The following NT5C2 variants were observed in gnomAD, a reference collection of about 807,000 sequenced individuals.
NT5C2 encodes cytosolic purine 5'-nucleotidase.
NT5C2 carries 58 observed loss-of-function variants against 76.1 expected under a neutral mutation model. The observed-to-expected ratio is 0.76, with a 90% CI of 0.62 to 0.95. The LOEUF is 0.95. NT5C2 is among the 40% of genes least tolerant of loss of function. The probability of loss-of-function intolerance (pLI) is 0.00; values close to 1 mark genes in which losing one functional copy is unlikely to be tolerated. For synonymous variants in NT5C2, 229 were observed against 237.4 expected, an observed-to-expected ratio of 0.96 and a Z score of 0.32; for missense variants, 478 against 690.3, an observed-to-expected ratio of 0.69 and a Z score of 3.45.
At chr10:103,175,974 G>C in intron 2 of NT5C2, 1 of 165,000 alleles carries the variant, frequency 6.1e-6, no homozygotes, top group South Asian at 1.6e-4. Context: ...CTGAGAGCCA[G>C]GAGCCCCAAG....
At chr10:103,117,863 G>A (rs1477560371) in intron 4 of NT5C2, among the ~76,000 whole-genome samples, 1 of 151,792 alleles carries the variant, frequency 6.6e-6, no homozygotes, top group African/African-American at 2.4e-5. Context: ...AGGGTTATTC[G>A]GAGCAACTAA....
Position 103,095,921 on chromosome 10 carries a change from T to A in NT5C2, c.813+18A>T, listed in dbSNP as rs778990322. The A allele has an allele frequency of 3.7e-6, 6 of 1,602,710 alleles. No homozygotes were observed. Among genetic ancestry groups the A allele is most frequent in the Non-Finnish European group, 5.1e-6 (6 of 1,169,858 alleles). On this transcript the variant is annotated intron_variant, in intron 12 of 18. Transcript: ENST00000404739. ...TCATTGTTATTAAAGCAGTGGTCTA[T>A]TGAGTCACATACGGTACCTTGGGGC...
At chr10:103,107,886 G>A (rs1471453968) in intron 4 of NT5C2, among the ~76,000 whole-genome samples, 1 of 152,044 alleles carries the variant, frequency 6.6e-6, no homozygotes, top group Non-Finnish European at 1.5e-5. Context: ...CAGGTGCGGT[G>A]GCTCACGCCT....
chr10:103,103,554 G>A (rs2070370391), intron 6 of NT5C2, among the ~76,000 whole-genome samples: 3 of 152,048 alleles, frequency 2.0e-5, no homozygotes. Context: ...CAATTACATT[G>A]TAAACTTCAG....
Position 103,090,603 on chromosome 10 carries a change from TA to T in NT5C2, c.1449+7del. On this transcript the variant is annotated splice_region_variant and intron_variant, in intron 18 of 18. Coordinates refer to ENST00000404739, the MANE Select transcript of NT5C2 (RefSeq NM_001351169.2). ...ACATCTTGGCTGTCCATTACAGCTT[TA>T]ACTCACCAAGACATGGGCAGCCCTG... 6.2e-7 allele frequency: 1 copy of T among 1,611,238 alleles called. No homozygotes were observed. The highest frequency in any genetic ancestry group is 8.5e-7 in the Non-Finnish European group (1 of 1,178,452).
chr10:103,118,677 T>G lies in NT5C2; in HGVS notation c.176-11971A>C, dbSNP rs548006381. Among the ~76,000 whole-genome samples, 81 of 152,270 alleles carry G rather than the reference T, an allele frequency of 5.3e-4. 1 individual carries two copies. In the South Asian group the frequency reaches 0.016, roughly 30 times the overall value. On this transcript the variant is annotated intron_variant, in intron 4 of 18. Coordinates refer to ENST00000404739, the MANE Select transcript of NT5C2 (RefSeq NM_001351169.2). The stretch of plus-strand genomic sequence containing the variant: ...CTGGACAAAATCATCACATTTCATC[T>G]TCACAAATCTCCTTTAGGGGTTGAG...
chr10:103,179,929 T>C (rs2090762309), intron 2 of NT5C2, among the ~76,000 whole-genome samples: 1 of 152,226 alleles, frequency 6.6e-6, no homozygotes, highest in Admixed American at 6.5e-5. Context: ...ATTGCATTTA[T>C]ATATTATCCT....
At position 103,174,952 on chromosome 10, in the gene NT5C2, T is replaced by C. The variant is rs10883841; in HGVS notation, c.7A>G (p.Thr3Ala). 0.13 allele frequency: 203,982 copies of C among 1,597,198 alleles called. 14,609 individuals carry two copies. The highest frequency in any genetic ancestry group is 0.14 in the Non-Finnish European group (166,232 of 1,165,274). Reference protein sequence around the residue: MSTSWSDRLQNAA... With the variant: MSASWSDRLQNAA... Reference sequence around the variant, plus strand: ...TTCTGTAACCGATCACTCCAGGAGGTTGACATTTTATTTTAACTGTATTTT... The same window carrying C: ...TTCTGTAACCGATCACTCCAGGAGGCTGACATTTTATTTTAACTGTATTTT... Residue 3 changes from threonine to alanine, a missense_variant, in exon 3 of 19, where the codon ACC becomes GCC. Transcript: ENST00000404739.
chr10:103,162,901 A>G (rs1028177134), intron 3 of NT5C2, among the ~76,000 whole-genome samples: 6 of 152,176 alleles, frequency 3.9e-5, no homozygotes, highest in African/African-American at 1.4e-4. Context: ...CTGAAATTTA[A>G]AAGTTCCATC....
Position 103,101,181 on chromosome 10 carries a change from C to G in NT5C2, c.481+54G>C. The G allele has an allele frequency of 4.3e-6, 6 of 1,409,470 alleles. No homozygotes were observed. The South Asian group carries it at 6.9e-5, about 16-fold the overall frequency. 87.3% of individuals were successfully genotyped at this position (1,409,470 alleles called of 1,614,324 possible). A position where few individuals can be genotyped will look rare whatever the true frequency, so the allele number is the denominator to read the frequency against. On this transcript the variant is annotated intron_variant, in intron 7 of 18. Coordinates refer to ENST00000404739, the MANE Select transcript of NT5C2 (RefSeq NM_001351169.2). ...TTTCATTACCTCCCTTGAATACAGACTAATGGTCACAGAAGGGAAAGCATC... is the reference window on the plus strand; with the variant it reads ...TTTCATTACCTCCCTTGAATACAGAGTAATGGTCACAGAAGGGAAAGCATC...
chr10:103,180,631 T>A (rs967425595), intron 2 of NT5C2, among the ~76,000 whole-genome samples: 7 of 152,018 alleles, frequency 4.6e-5, no homozygotes, highest in Admixed American at 1.3e-4. Flanking sequence ...CTTGGGAGGA[T>A]CACACGAGCC....
intron 6 of NT5C2, among the ~76,000 whole-genome samples, chr10:103,101,704 T>A (rs759724963): frequency 6.6e-6 from 1 of 151,402 alleles, no homozygotes; most frequent in Non-Finnish European, 1.5e-5. Context: ...CATACACATA[T>A]AATTATAAGG....
At chr10:103,119,949 A>G (rs1443730607) in intron 4 of NT5C2, among the ~76,000 whole-genome samples, 1 of 152,134 alleles carries the variant, frequency 6.6e-6, no homozygotes, top group African/African-American at 2.4e-5. Context: ...AAATAAAAAA[A>G]TTAGCCAGGC....
chr10:103,105,917 A>C (rs1032224893), intron 5 of NT5C2, 116 bp from the exon 6 acceptor site: 18 of 676,488 alleles, frequency 2.7e-5, no homozygotes, highest in African/African-American at 2.0e-4. Context: ...GTACCAACTC[A>C]AAGTATGTCC....
intron 3 of NT5C2, chr10:103,146,186 T>TG: frequency 2.0e-6 from 2 of 985,424 alleles, no homozygotes; most frequent in African/African-American, 1.7e-5. Flanking sequence ...CTCAAAAGCA[T>TG]GTATCTTCCG....
In NT5C2 at chr10:103,190,991, G is replaced by C. The variant is rs186921600; in HGVS notation, c.-169+2245C>G. Among the ~76,000 whole-genome samples the C allele has an allele frequency of 3.9e-5, 6 of 152,304 alleles. No homozygotes were observed. The East Asian group carries it at 1.2e-3, about 29-fold the overall frequency. On this transcript the variant is annotated intron_variant, in intron 1 of 18. Coordinates refer to ENST00000404739, the MANE Select transcript of NT5C2 (RefSeq NM_001351169.2). The stretch of plus-strand genomic sequence containing the variant: ...GTGTACTAGATAAAAACCAGTCTAT[G>C]TAAGTACTTTAAAAGAGCACAGTCA...
chr10:103,093,785 T>G, intron 14 of NT5C2, 187 bp downstream of exon 14: 3 of 541,296 alleles, frequency 5.5e-6, no homozygotes, highest in Non-Finnish European at 9.9e-6. Flanking sequence ...TCAGATTCAT[T>G]AGGATATACT....
rs544669934 is a variant in NT5C2, at chr10:103,138,396, C to T, written c.175+1010G>A. 3.9e-5 allele frequency among the ~76,000 whole-genome samples: 6 copies of T among 152,268 alleles called. No homozygotes were observed. The East Asian group carries it at 9.6e-4, about 24-fold the overall frequency. ...TCATCTAGGTTTTAAGCCCTGCATG[C>T]GTTAGGTATTTGTCCTAATGCTCTC... On this transcript the variant is annotated intron_variant, in intron 4 of 18. Transcript: ENST00000404739.
intron 4 of NT5C2, among the ~76,000 whole-genome samples, chr10:103,130,010 A>G (rs2077781813): frequency 1.3e-5 from 2 of 148,698 alleles, no homozygotes; most frequent in African/African-American, 2.5e-5. Flanking sequence ...CCTACTGGGA[A>G]GTGAGGAGCC....
Sources: gnomAD v4.1 joint callset for allele counts (sites outside exome capture counted in the v4.1 genomes callset) on GRCh38, gnomAD v4.1.1 for gene constraint, MANE v1.5 for transcripts, NCBI Gene and HGNC (gene_info 2026-07-23, HGNC 2026-07-21) for gene names.